ADAMTSL1: variants seen among roughly 807,000 people sequenced by gnomAD.
The protein encoded by ADAMTSL1 is ADAMTS like 1.
A neutral mutation model predicts 201.8 loss-of-function variants in ADAMTSL1; 126 were observed. The observed-to-expected ratio is 0.62, with a 90% CI of 0.54 to 0.72. The LOEUF is 0.72. Ranked by LOEUF, ADAMTSL1 falls within the 30% of genes least tolerant of loss-of-function variation. The pLI, the probability that ADAMTSL1 is intolerant of heterozygous loss-of-function variation, is 0.00. For missense variants in ADAMTSL1, 2,679 were observed against 2,277.8 expected, an observed-to-expected ratio of 1.18 and a Z score of -3.59; for synonymous variants, 1,121 against 903.4, an observed-to-expected ratio of 1.24 and a Z score of -4.32.
At chr9:18,049,583 A>G (rs925394925) in intron 1 of ADAMTSL1, among the ~76,000 whole-genome samples, 4 of 150,904 alleles carry the variant, frequency 2.7e-5, no homozygotes, top group African/African-American at 9.7e-5. Flanking sequence ...TCCTGATGGA[A>G]CTAACTCTGA....
intron 1 of ADAMTSL1, among the ~76,000 whole-genome samples, chr9:18,480,504 C>T (rs1821670154): frequency 1.3e-5 from 2 of 152,208 alleles, no homozygotes; most frequent in South Asian, 4.1e-4. Flanking sequence ...CTCAGTGTCA[C>T]TCTCACAGAC....
chr9:18,530,923 A>C (rs947975501), intron 2 of ADAMTSL1, among the ~76,000 whole-genome samples: 1 of 152,218 alleles, frequency 6.6e-6, no homozygotes, highest in Admixed American at 6.5e-5. Flanking sequence ...ATTGAAAAGC[A>C]TACCACATTT....
At chr9:18,740,220 A>G (rs906845350) in intron 15 of ADAMTSL1, among the ~76,000 whole-genome samples, 12 of 152,108 alleles carry the variant, frequency 7.9e-5, no homozygotes, top group Non-Finnish European at 1.8e-4. Flanking sequence ...CCTGCTGGCC[A>G]TTCCAGCACT....
At chr9:18,202,950 C>G (rs1480606496) in intron 2 of ADAMTSL1, among the ~76,000 whole-genome samples, 1 of 152,084 alleles carries the variant, frequency 6.6e-6, no homozygotes, top group Non-Finnish European at 1.5e-5. Context: ...ACCAGGGATG[C>G]TACCTCTTAG....
intron 2 of ADAMTSL1, among the ~76,000 whole-genome samples, chr9:18,530,039 A>G (rs998359870): frequency 2.0e-5 from 3 of 152,186 alleles, no homozygotes; most frequent in Non-Finnish European, 2.9e-5. Flanking sequence ...GCAGGTTAAA[A>G]TATCGGGGAA....
intron 1 of ADAMTSL1, among the ~76,000 whole-genome samples, chr9:17,982,479 G>A (rs959945080): frequency 6.6e-6 from 1 of 152,148 alleles, no homozygotes; most frequent in Non-Finnish European, 1.5e-5. Context: ...GGTCGTGGTG[G>A]TGGACGCTTG....
chr9:18,195,714 C>T (rs893642817), intron 2 of ADAMTSL1, among the ~76,000 whole-genome samples: 3 of 152,206 alleles, frequency 2.0e-5, no homozygotes, highest in Middle Eastern at 3.4e-3. Flanking sequence ...CAAGCAAATG[C>T]CATCAGCCAT....
intron 1 of ADAMTSL1, among the ~76,000 whole-genome samples, chr9:18,153,468 C>A (rs556176524): frequency 6.6e-6 from 1 of 152,086 alleles, no homozygotes; most frequent in East Asian, 1.9e-4. Context: ...AATTCTGTAC[C>A]AGGCACTGCT....
At chr9:18,071,212 A>G (rs1485145219) in intron 1 of ADAMTSL1, among the ~76,000 whole-genome samples, 2 of 152,224 alleles carry the variant, frequency 1.3e-5, no homozygotes, top group African/African-American at 4.8e-5. Context: ...AAAACTGGTG[A>G]GCAGGCTCTA....
At chr9:18,260,345 A>C (rs1254685452) in intron 2 of ADAMTSL1, among the ~76,000 whole-genome samples, 6 of 152,194 alleles carry the variant, frequency 3.9e-5, no homozygotes, top group Non-Finnish European at 7.3e-5. Flanking sequence ...ACAGCAAAAT[A>C]TTTTCCAGAG....
chr9:18,124,573 G>C (rs930762663), intron 1 of ADAMTSL1, among the ~76,000 whole-genome samples: 7 of 152,066 alleles, frequency 4.6e-5, no homozygotes, highest in Admixed American at 3.3e-4. Flanking sequence ...ATGCATAAAA[G>C]TTTTGAATTT....
At chr9:18,433,141 G>A (rs146612405) in intron 2 of ADAMTSL1, among the ~76,000 whole-genome samples, 4 of 152,066 alleles carry the variant, frequency 2.6e-5, no homozygotes, top group South Asian at 2.1e-4. Context: ...TAGATGAGTA[G>A]GCTTTTATAA....
intron 23 of ADAMTSL1, among the ~76,000 whole-genome samples, chr9:18,847,710 G>A (rs571460294): frequency 1.4e-4 from 22 of 152,272 alleles, no homozygotes; most frequent in South Asian, 4.1e-4. Context: ...GCGGAGTTCC[G>A]CCTGCATGAA....
At chr9:18,728,163 C>T (rs900503965) in intron 15 of ADAMTSL1, among the ~76,000 whole-genome samples, 1 of 151,918 alleles carries the variant, frequency 6.6e-6, no homozygotes, top group Non-Finnish European at 1.5e-5. Flanking sequence ...TATTTAGTTG[C>T]TGCATGAGTT....
At chr9:18,658,630 T>C (rs572353862) in intron 8 of ADAMTSL1, among the ~76,000 whole-genome samples, 1 of 152,272 alleles carries the variant, frequency 6.6e-6, no homozygotes, top group South Asian at 2.1e-4. Flanking sequence ...CTCTGCTCCA[T>C]CATATTTGTA....
intron 28 of ADAMTSL1, chr9:18,907,812 T>C (rs1338531641): frequency 6.5e-6 from 1 of 154,546 alleles, no homozygotes; most frequent in African/African-American, 2.4e-5. Context: ...CCAAACCAAG[T>C]CAGCACAATA....
chr9:17,939,557 A>T (rs1245525398), intron 1 of ADAMTSL1, among the ~76,000 whole-genome samples: 1 of 152,104 alleles, frequency 6.6e-6, no homozygotes, highest in African/African-American at 2.4e-5. Context: ...TTGACATATA[A>T]AATTCCACCT....
At chr9:17,994,988 ATC>A (rs1377058486) in intron 1 of ADAMTSL1, among the ~76,000 whole-genome samples, 1 of 152,114 alleles carries the variant, frequency 6.6e-6, no homozygotes, top group Non-Finnish European at 1.5e-5. Context: ...GAGGAATGCA[ATC>A]TGTTTATGTT....
At chr9:18,200,441 A>T (rs1264666193) in intron 2 of ADAMTSL1, among the ~76,000 whole-genome samples, 4 of 152,134 alleles carry the variant, frequency 2.6e-5, no homozygotes, top group Admixed American at 2.0e-4. Flanking sequence ...TGAAGAGATG[A>T]TTACACATGG....
Sources: gnomAD v4.1 joint callset for allele counts (sites outside exome capture counted in the v4.1 genomes callset) on GRCh38, gnomAD v4.1.1 for gene constraint, MANE v1.5 for transcripts, NCBI Gene and HGNC (gene_info 2026-07-23, HGNC 2026-07-21) for gene names.